The following PLCXD2 variants were observed in gnomAD, a reference collection of about 807,000 sequenced individuals.
PLCXD2 encodes the protein PI-PLC X domain-containing protein 2.
PLCXD2 carries 21 observed loss-of-function variants against 28.6 expected under a neutral mutation model. That is an observed-to-expected ratio of 0.73 (90% CI 0.52 to 1.06). The LOEUF (loss-of-function observed/expected upper bound fraction) is 1.06, where lower values mean the gene tolerates loss of function less well. Ranked by LOEUF, PLCXD2 falls within the 50% of genes least tolerant of loss-of-function variation. PLCXD2 has a pLI of 0.00. For synonymous variants in PLCXD2, 140 were observed against 150.1 expected (o/e 0.93, Z 0.49); for missense variants, 369 against 376.7 (o/e 0.98, Z 0.17).
At chr3:111,698,861 T>TC (rs773745072) in intron 1 of PLCXD2, among the ~76,000 whole-genome samples, 21 of 152,188 alleles carry the variant, frequency 1.4e-4, no homozygotes, top group Admixed American at 2.6e-4. Flanking sequence ...ATTCCTTATT[T>TC]CCCCCCCTCC....
chr3:111,674,962 C>A lies in PLCXD2; in HGVS notation c.-284C>A. The A allele has an allele frequency of 2.7e-6, 1 of 365,088 alleles. No homozygotes were observed. The highest frequency in any genetic ancestry group is 4.7e-5 in the South Asian group (1 of 21,318). The allele number at this position is 365,088 out of a possible 1,614,324, so 22.6% of individuals were successfully genotyped here. A position where few individuals can be genotyped will look rare whatever the true frequency, so the allele number is the denominator to read the frequency against. ...CTTTCAGTTTATGTAAGATTTATCT[C>A]TAGGGGCCTACCTTCCCCCATCTCC... On this transcript the variant is annotated 5_prime_UTR_variant, in exon 1 of 5. Transcript: ENST00000477665.
At position 111,708,115 on chromosome 3, in the gene PLCXD2, C is replaced by T. The variant is rs1157184784; in HGVS notation, c.353C>T (p.Ser118Phe). Reference sequence around the variant, plus strand: ...ATCCGCTACTTTGACCTGCGTGTGTCTTCCAAACCAGGGGATGCCGACCAG... The same window carrying T: ...ATCCGCTACTTTGACCTGCGTGTGTTTTCCAAACCAGGGGATGCCGACCAG... Residue 118 changes from serine (S) to phenylalanine (F), a missense_variant, in exon 2 of 5, where the codon TCT becomes TTT. Transcript: ENST00000477665. 7 of 1,614,190 alleles carry T rather than the reference C, an allele frequency of 4.3e-6. No individual in the cohort carries two copies. Among genetic ancestry groups the T allele is most frequent in the Non-Finnish European group, 5.9e-6 (7 of 1,180,026 alleles).
At chr3:111,693,844 G>C (rs528175285) in intron 1 of PLCXD2, among the ~76,000 whole-genome samples, 18 of 151,992 alleles carry the variant, frequency 1.2e-4, no homozygotes, top group African/African-American at 4.3e-4. Flanking sequence ...CCACTCCCCA[G>C]CTAGGTCTAC....
At position 111,714,026 on chromosome 3, in the gene PLCXD2, C is replaced by G. The variant is rs756860341; in HGVS notation, c.764C>G (p.Ala255Gly). Residue 255 changes from alanine (A) to glycine (G), a missense_variant, in exon 3 of 5, where the codon GCC becomes GGC. By Grantham distance (60) the Ala-to-Gly change is moderately conservative. Transcript: ENST00000477665. ...TTGGAGACCACTCTGAGTGAGCGGG[C>G]CTCACGGGGCTCCTTCCATGTCTCC... The G allele has an allele frequency of 3.1e-6, 5 of 1,614,180 alleles. No individual in the cohort carries two copies. Among genetic ancestry groups the G allele is most frequent in the Admixed American group, 1.7e-5 (1 of 60,018 alleles).
intron 1 of PLCXD2, among the ~76,000 whole-genome samples, chr3:111,681,983 A>G (rs1241243106): frequency 1.3e-5 from 2 of 152,198 alleles, no homozygotes; most frequent in Non-Finnish European, 2.9e-5. Context: ...CCCCAATTAG[A>G]GTTTCAAACC....
At chr3:111,709,646 T>C (rs1941172824) in intron 2 of PLCXD2, among the ~76,000 whole-genome samples, 1 of 152,150 alleles carries the variant, frequency 6.6e-6, no homozygotes, top group Admixed American at 6.5e-5. Context: ...TTGAAGGGGT[T>C]AATCACATGC....
At chr3:111,683,585 T>C (rs1576453288) in intron 1 of PLCXD2, among the ~76,000 whole-genome samples, 2 of 152,194 alleles carry the variant, frequency 1.3e-5, no homozygotes, top group East Asian at 3.9e-4. Context: ...TCAACACTTG[T>C]ATAATTTTCT....
intron 1 of PLCXD2, among the ~76,000 whole-genome samples, chr3:111,704,343 A>G (rs1320493289): frequency 6.6e-6 from 1 of 152,220 alleles, no homozygotes; most frequent in African/African-American, 2.4e-5. Context: ...CTTCCGTATG[A>G]GTTAGTGGAT....
chr3:111,686,309 A>ATT (rs1940794485), intron 1 of PLCXD2, among the ~76,000 whole-genome samples: 1 of 152,210 alleles, frequency 6.6e-6, no homozygotes, highest in Admixed American at 6.5e-5. Flanking sequence ...GCTTCTCAGC[A>ATT]CATAAAAAAG....
rs552889900 is a variant in PLCXD2 at position 111,710,306 on chromosome 3, A to T, written c.624+1920A>T. On this transcript the variant is annotated intron_variant, in intron 2 of 4. Coordinates refer to ENST00000477665, the MANE Select transcript of PLCXD2 (RefSeq NM_001185106.1). ...GTAAGTTTATATCTGTTCATGTCTA[A>T]CTTGGAGAGACTTTTTCCCAGTGGC... is the stretch of plus-strand genomic sequence containing the variant. 1.1e-4 allele frequency among the ~76,000 whole-genome samples: 17 copies of T among 152,340 alleles called. 1 individual carries two copies. In the South Asian group the frequency reaches 3.5e-3, roughly 32 times the overall value.
At chr3:111,709,662 T>C (rs1941173013) in intron 2 of PLCXD2, among the ~76,000 whole-genome samples, 1 of 152,086 alleles carries the variant, frequency 6.6e-6, no homozygotes, top group Non-Finnish European at 1.5e-5. Flanking sequence ...CATGCTTATT[T>C]GGGGGCAGAA....
At chr3:111,713,315 T>C (rs1018348117) in intron 2 of PLCXD2, among the ~76,000 whole-genome samples, 1 of 152,232 alleles carries the variant, frequency 6.6e-6, no homozygotes, top group Admixed American at 6.5e-5. Context: ...TGAAAATTAG[T>C]ATACCCATAG....
At chr3:111,692,557 A>T in intron 1 of PLCXD2, 1 of 152,346 alleles carries the variant, frequency 6.6e-6, no homozygotes, top group South Asian at 2.1e-4. Flanking sequence ...GGGTCCAGCA[A>T]TATTTTTTTA....
Position 111,708,197 on chromosome 3 carries a change from A to C in PLCXD2, c.435A>C (p.Glu145Asp). ...TCAAGGTCTGGGATGGGCTGATGGAAATTGACTCGTTTCTTACACAGCACC... is the reference window on the plus strand; with the variant it reads ...TCAAGGTCTGGGATGGGCTGATGGACATTGACTCGTTTCTTACACAGCACC... The change falls in exon 2 of 5, where the codon GAA becomes GAC. Residue 145 changes from glutamate (E) to aspartate (D), a missense_variant. Transcript: ENST00000477665. 6.2e-7 allele frequency: 1 copy of C among 1,614,146 alleles called. No homozygotes were observed.
chr3:111,704,985 C>A (rs1576460564), intron 1 of PLCXD2, among the ~76,000 whole-genome samples: 1 of 151,908 alleles, frequency 6.6e-6, no homozygotes, highest in African/African-American at 2.4e-5. Flanking sequence ...GCTAATTTTT[C>A]TATTTTTTTA....
At chr3:111,714,706 G>A (rs752317261) in intron 3 of PLCXD2, among the ~76,000 whole-genome samples, 2 of 152,084 alleles carry the variant, frequency 1.3e-5, no homozygotes, top group African/African-American at 4.8e-5. Flanking sequence ...TCCTTATCCC[G>A]GACACCAATG....
chr3:111,724,236 A>T (rs1405441325), intron 3 of PLCXD2: 1 of 152,182 alleles, frequency 6.6e-6, no homozygotes, highest in Non-Finnish European at 1.5e-5. Flanking sequence ...CATGCCAAAA[A>T]AGTTTTTATA....
At chr3:111,698,450 T>C (rs1285454052) in intron 1 of PLCXD2, among the ~76,000 whole-genome samples, 1 of 152,240 alleles carries the variant, frequency 6.6e-6, no homozygotes, top group African/African-American at 2.4e-5. Flanking sequence ...AAGTTAGGTG[T>C]TAGGACTCAC....
chr3:111,685,556 T>G (rs1940782355), intron 1 of PLCXD2, among the ~76,000 whole-genome samples: 1 of 152,218 alleles, frequency 6.6e-6, no homozygotes, highest in South Asian at 2.1e-4. Flanking sequence ...AATAGTTCAT[T>G]TAATGTAACT....
Sources: allele counts gnomAD v4.1 joint callset (sites outside exome capture counted in the v4.1 genomes callset), GRCh38; gene constraint gnomAD v4.1.1; transcripts MANE v1.5; gene names NCBI Gene and HGNC (gene_info 2026-07-23, HGNC 2026-07-21).